The following SMIM40 variants were observed in gnomAD, a reference collection of about 807,000 sequenced individuals.
SMIM40 encodes the protein small integral membrane protein 40.
chr6:33,325,621 C>T (rs2151008017), intron 1 of SMIM40, among the ~76,000 whole-genome samples: 1 of 145,826 alleles, frequency 6.9e-6, no homozygotes, highest in South Asian at 2.1e-4. Context: ...GCAGGAGGAT[C>T]ACGAGGGCAG....
rs192504335 is a variant in SMIM40 at position 33,328,610 on chromosome 6, C to T, written c.*39+377G>A. Among the ~76,000 whole-genome samples the T allele has an allele frequency of 4.7e-4, 71 of 151,858 alleles. 2 individuals carry two copies. The East Asian group carries it at 0.011, about 23-fold the overall frequency. On this transcript the variant is annotated intron_variant, in intron 1 of 2. Transcript: ENST00000494082. ...CAGAATTTAAGACTGCTGCCCTGGC[C>T]GGGCGCAGTGGCTCACACCTGTAAT... is the stretch of plus-strand genomic sequence containing the variant.
intron 1 of SMIM40, among the ~76,000 whole-genome samples, chr6:33,327,879 AAG>A (rs1491160220): frequency 1.3e-4 from 20 of 150,052 alleles, no homozygotes; most frequent in Non-Finnish European, 2.7e-4. Flanking sequence ...AAAAAAAAAA[AAG>A]AGTTCAAGAC....
intron 1 of SMIM40, among the ~76,000 whole-genome samples, chr6:33,326,698 G>A (rs956252391): frequency 3.4e-5 from 5 of 148,078 alleles, no homozygotes; most frequent in African/African-American, 7.9e-5. Context: ...GGTCGTGGGC[G>A]CCTGTAATCC....
At chr6:33,327,861 CAAA>C (rs375476107) in intron 1 of SMIM40, among the ~76,000 whole-genome samples, 1 of 70,364 alleles carries the variant, frequency 1.4e-5, no homozygotes, top group Non-Finnish European at 2.6e-5. Flanking sequence ...GACTCTGTCA[CAAA>C]AAAAAAAAAA....
intron 1 of SMIM40, among the ~76,000 whole-genome samples, chr6:33,324,776 T>G (rs1771044990): frequency 7.0e-6 from 1 of 142,638 alleles, no homozygotes; most frequent in South Asian, 2.3e-4. Flanking sequence ...CTCCAGCTAC[T>G]CAGGAGGCTG....
intron 1 of SMIM40, 46 bp downstream of exon 1, chr6:33,328,941 T>A: frequency 1.3e-5 from 4 of 313,336 alleles, no homozygotes; most frequent in Middle Eastern, 8.4e-4. Flanking sequence ...AAGCATCTCC[T>A]CCATAGCCCC....
At chr6:33,328,397 C>T (rs1198630657) in intron 1 of SMIM40, among the ~76,000 whole-genome samples, 1 of 151,382 alleles carries the variant, frequency 6.6e-6, no homozygotes, top group African/African-American at 2.4e-5. Context: ...ACCATATTTG[C>T]CAGACTGGTC....
intron 1 of SMIM40, among the ~76,000 whole-genome samples, chr6:33,327,595 C>T (rs1771283007): frequency 6.6e-6 from 1 of 151,652 alleles, no homozygotes; most frequent in Non-Finnish European, 1.5e-5. Context: ...CGCAGTGGCT[C>T]ATGCCTGTAA....
rs1228715733 is a variant in SMIM40 at position 33,329,203 on chromosome 6, G to A, written c.63C>T (p.Ser21=). 5.0e-6 allele frequency: 2 copies of A among 398,610 alleles called. No individual in the cohort carries two copies. The highest frequency in any genetic ancestry group is 4.1e-5 in the African/African-American group (2 of 48,640). The allele number at this position is 398,610 out of a possible 1,614,324, so 24.7% of individuals were successfully genotyped here. A position where few individuals can be genotyped will look rare whatever the true frequency, so the allele number is the denominator to read the frequency against. ...CACGTCGCACGGGACCCCTGGGAGGGGAGGGACCCTGGGCAAATGCCAGGA... is the reference window on the plus strand; with the variant it reads ...CACGTCGCACGGGACCCCTGGGAGGAGAGGGACCCTGGGCAAATGCCAGGA... The part of the protein sequence containing the change: ...DVFLAFAQGP[S]PPRGPVRRAL... Residue 21 remains serine, a synonymous_variant, in exon 1 of 3, where the codon TCC becomes TCT. Transcript: ENST00000494082.
At chr6:33,324,412 TTC>T (rs1164844933) in intron 1 of SMIM40, among the ~76,000 whole-genome samples, 4 of 151,214 alleles carry the variant, frequency 2.6e-5, no homozygotes, top group East Asian at 3.9e-4. Context: ...AAAAGAATAG[TTC>T]TCTTTTTTCC....
intron 1 of SMIM40, among the ~76,000 whole-genome samples, chr6:33,328,419 A>C (rs1399258315): frequency 6.6e-6 from 1 of 151,582 alleles, no homozygotes; most frequent in Non-Finnish European, 1.5e-5. Flanking sequence ...TGAACTCCTG[A>C]CTTTAGGTGA....
intron 1 of SMIM40, among the ~76,000 whole-genome samples, chr6:33,324,297 CT>C (rs989334771): frequency 6.6e-5 from 10 of 151,994 alleles, no homozygotes; most frequent in African/African-American, 2.4e-4. Flanking sequence ...TTTCAAGAAC[CT>C]CAACTTTCCC....
In SMIM40 at chr6:33,324,605, C is replaced by T. The variant is rs189189424; in HGVS notation, c.*40-575G>A. On this transcript the variant is annotated intron_variant, in intron 1 of 2. Transcript: ENST00000494082. ...TTTTTTTTTTTAAATGCAGGGTCGG[C>T]CGGGCGCGATGGTTCACGCCTGTAA... is the stretch of plus-strand genomic sequence containing the variant. Among the ~76,000 whole-genome samples the T allele has an allele frequency of 6.7e-3, 919 of 136,452 alleles. 4 individuals carry two copies. The highest frequency in any genetic ancestry group is 0.02 in the Middle Eastern group (5 of 246). 89.5% of individuals were successfully genotyped at this position (136,452 alleles called of 152,430 possible).
At chr6:33,324,422 T>C (rs978373629) in intron 1 of SMIM40, among the ~76,000 whole-genome samples, 17 of 150,556 alleles carry the variant, frequency 1.1e-4, no homozygotes, top group Non-Finnish European at 7.4e-5. Context: ...TTCTCTTTTT[T>C]CCCCTCCCCC....
At chr6:33,326,288 G>A (rs984108608) in intron 1 of SMIM40, among the ~76,000 whole-genome samples, 1 of 147,884 alleles carries the variant, frequency 6.8e-6, no homozygotes, top group Admixed American at 6.7e-5. Flanking sequence ...AACCTCCTGA[G>A]CAGCTGGGAT....
chr6:33,326,553 G>A (rs1297721727), intron 1 of SMIM40, among the ~76,000 whole-genome samples: 1 of 149,294 alleles, frequency 6.7e-6, no homozygotes. Context: ...GGCCAGGCAT[G>A]GTGACTCATG....
At chr6:33,325,556 G>A (rs1382194297) in intron 1 of SMIM40, among the ~76,000 whole-genome samples, 2 of 145,026 alleles carry the variant, frequency 1.4e-5, no homozygotes, top group East Asian at 2.0e-4. Context: ...AAATGTTTAC[G>A]ATCGGCCAGG....
At chr6:33,328,958 T>A in intron 1 of SMIM40, 29 bp downstream of exon 1, 21 of 287,016 alleles carry the variant, frequency 7.3e-5, no homozygotes, top group South Asian at 1.6e-4. Context: ...CCCCCAACAC[T>A]CCCATTTCCC....
In SMIM40 at chr6:33,329,232, C is replaced by T; in HGVS notation, c.34G>A (p.Val12Met). The T allele has an allele frequency of 2.5e-6, 1 of 398,752 alleles. No individual in the cohort carries two copies. The highest frequency in any genetic ancestry group is 4.4e-6 in the Non-Finnish European group (1 of 226,154). 24.7% of individuals were successfully genotyped at this position (398,752 alleles called of 1,614,324 possible). A position where few individuals can be genotyped will look rare whatever the true frequency, so the allele number is the denominator to read the frequency against. Residue 12 changes from valine (V) to methionine (M), a missense_variant, in exon 1 of 3, where the codon GTG becomes ATG. Val to Met is a conservative substitution (Grantham distance 21). Coordinates refer to ENST00000494082, the MANE Select transcript of SMIM40 (RefSeq NM_001369203.1). ...GGACCCTGGGCAAATGCCAGGAACA[C>T]ATCCGCCTCGTCCACATCACCTTCC... ...AEEGDVDEADVFLAFAQGPSP... is the reference protein window; with the variant it reads ...AEEGDVDEADMFLAFAQGPSP...
Sources: allele counts gnomAD v4.1 joint callset (sites outside exome capture counted in the v4.1 genomes callset), GRCh38; gene constraint gnomAD v4.1.1; transcripts MANE v1.5; gene names NCBI Gene and HGNC (gene_info 2026-07-23, HGNC 2026-07-21).